Variants in COL3A1 observed in about 807,000 individuals in gnomAD.
The protein encoded by COL3A1 is collagen type III alpha 1 chain.
Under a neutral mutation model 200.9 loss-of-function variants are expected in COL3A1, and 46 were observed. That is an observed-to-expected ratio of 0.23 (90% CI 0.18 to 0.29). COL3A1 has a LOEUF of 0.29. Among genes scored for constraint, COL3A1 ranks in the 10% least tolerant of loss-of-function variants. The pLI is 1.00. For missense variants in COL3A1, 1,367 were observed against 1,917.6 expected, an observed-to-expected ratio of 0.71 and a Z score of 5.36; for synonymous variants, 650 against 628.0, an observed-to-expected ratio of 1.03 and a Z score of -0.52.
chr2:188,991,627 G>C (rs777322402), intron 12 of COL3A1, 42 bp from the exon 13 acceptor site: 1 of 1,612,370 alleles, frequency 6.2e-7, no homozygotes, highest in South Asian at 1.1e-5. Flanking sequence ...TCTTACACAT[G>C]TCAAGATTAG....
At chr2:188,992,974 T>A in intron 15 of COL3A1, 34 bp downstream of exon 15, 1 of 1,597,554 alleles carries the variant, frequency 6.3e-7, no homozygotes, top group Non-Finnish European at 8.6e-7. Context: ...GGTATAAAAA[T>A]ATCTTGGAGG....
In COL3A1 at chr2:188,999,332, G is replaced by T. The variant is rs1337071262; in HGVS notation, c.2070G>T (p.Gly690=). 3 of 1,592,282 alleles carry T rather than the reference G, an allele frequency of 1.9e-6. No individual in the cohort carries two copies. The highest frequency in any genetic ancestry group is 1.3e-5 in the African/African-American group (1 of 74,538). ...PGERGPPGLA[G]APGLRGGAGP... is the part of the protein sequence containing the mutation. ...AACGTGGACCTCCTGGATTGGCAGG[G>T]GCCCCAGGACTTAGAGGTGGAGCTG... Residue 690 remains glycine, a synonymous_variant, in exon 30 of 51, where the codon GGG becomes GGT. Transcript: ENST00000304636.
At chr2:188,987,008 A>G in intron 4 of COL3A1, 51 bp from the exon 5 acceptor site, 1 of 1,517,348 alleles carries the variant, frequency 6.6e-7, no homozygotes, top group East Asian at 2.3e-5. Context: ...TTTTAAAAGA[A>G]TTATGAACTG....
At chr2:188,978,792 A>C (rs1687885643) in intron 1 of COL3A1, among the ~76,000 whole-genome samples, 1 of 151,724 alleles carries the variant, frequency 6.6e-6, no homozygotes, top group Admixed American at 6.6e-5. Flanking sequence ...TATAGTGTAA[A>C]AAAAAACTCT....
intron 41 of COL3A1, chr2:189,005,694 G>A (rs1688569412): frequency 1.9e-6 from 1 of 527,818 alleles, no homozygotes; most frequent in Middle Eastern, 3.8e-4. Flanking sequence ...ACTAAATTAG[G>A]AAAAAAGTTA....
chr2:189,006,570 C>T, intron 43 of COL3A1, 118 bp downstream of exon 43: 1 of 984,474 alleles, frequency 1.0e-6, no homozygotes. Context: ...ATTTGTTTTA[C>T]AGTTTTAATG....
rs376165017 is a variant in COL3A1, at chr2:188,994,498, C to A, written c.1294-43C>A. 7 of 1,605,000 alleles carry A rather than the reference C, an allele frequency of 4.4e-6. No individual in the cohort carries two copies. The highest frequency in any genetic ancestry group is 1.1e-5 in the South Asian group (1 of 90,836). On this transcript the variant is annotated intron_variant, in intron 18 of 50. Transcript: ENST00000304636. This position sits in a 1 kb window ranked among gnomAD's most constrained non-coding sequence, Gnocchi z 4.5. ...GTGTTACTGGTGATGATTTGTTAGT[C>A]GAATCCTCCCTGTGTTTCAACCAAG... is the stretch of plus-strand genomic sequence containing the variant.
intron 10 of COL3A1, among the ~76,000 whole-genome samples, chr2:188,990,639 A>C (rs1487107612): frequency 6.6e-6 from 1 of 152,150 alleles, no homozygotes; most frequent in Non-Finnish European, 1.5e-5. Flanking sequence ...TTTTTTATTG[A>C]CTTAATATGA....
rs763107572 is a variant in COL3A1, at chr2:189,008,111, C to G, written c.3494C>G (p.Pro1165Arg). The G allele has an allele frequency of 6.2e-7, 1 of 1,613,604 alleles. No individual in the cohort carries two copies. The highest frequency in any genetic ancestry group is 1.3e-5 in the African/African-American group (1 of 74,894). The change falls in exon 47 of 51, where the codon CCT (proline) becomes CGT (arginine). Residue 1165 changes from proline (P) to arginine (R), a missense_variant. By Grantham distance (103) the Pro-to-Arg change is moderately radical. Coordinates refer to ENST00000304636, the MANE Select transcript of COL3A1 (RefSeq NM_000090.4). ...GHPGPIGPPGPRGNRGERGSE... is the reference protein window; with the variant it reads ...GHPGPIGPPGRRGNRGERGSE... ...CCAGGTCCCATTGGACCACCAGGGC[C>G]TCGAGGTAACAGAGGTGAAAGAGGA...
chr2:188,997,609 T>C, intron 26 of COL3A1, 91 bp from the exon 27 acceptor site: 1 of 1,362,490 alleles, frequency 7.3e-7, no homozygotes. Flanking sequence ...ATCACTACTT[T>C]TATAATTAAG....
intron 1 of COL3A1, among the ~76,000 whole-genome samples, chr2:188,975,886 C>T (rs1042815880): frequency 6.6e-5 from 10 of 151,854 alleles, no homozygotes; most frequent in Non-Finnish European, 1.5e-4. Context: ...TCACCCCACC[C>T]CTTCCTAGGC....
intron 22 of COL3A1, 68 bp downstream of exon 22, chr2:188,995,858 A>G: frequency 7.6e-7 from 1 of 1,315,432 alleles, no homozygotes; most frequent in Non-Finnish European, 1.1e-6. Flanking sequence ...AAATGAAGAC[A>G]GATCAAAAGC....
At chr2:189,007,840 G>A (rs1688628772) in intron 45 of COL3A1, 45 bp from the exon 46 acceptor site, 1 of 1,605,374 alleles carries the variant, frequency 6.2e-7, no homozygotes, top group Non-Finnish European at 8.5e-7. Context: ...GTTTCCCAGT[G>A]CTTTTTAAGG....
Position 188,993,419 on chromosome 2 carries a change from A to G in COL3A1, c.1109A>G (p.Glu370Gly), listed in dbSNP as rs748323501. 3 of 1,564,082 alleles carry G rather than the reference A, an allele frequency of 1.9e-6. No individual in the cohort carries two copies. Among genetic ancestry groups the G allele is most frequent in the Non-Finnish European group, 2.6e-6 (3 of 1,153,284 alleles). ...AATGGTGCCCCTGGACAAAGAGGAG[A>G]ACCTGGACCTCAGGGACACGCTGGT... ...GSNGAPGQRG[E>G]PGPQGHAGAQ... is the part of the protein sequence containing the mutation. Residue 370 changes from glutamate to glycine, a missense_variant, in exon 16 of 51, where the codon GAA (glutamate) becomes GGA (glycine). Physicochemically the swap from Glu to Gly is moderately conservative, Grantham distance 98. Coordinates refer to ENST00000304636, the MANE Select transcript of COL3A1 (RefSeq NM_000090.4).
chr2:188,993,937 C>A, intron 16 of COL3A1, 101 bp from the exon 17 acceptor site: 5 of 1,092,018 alleles, frequency 4.6e-6, no homozygotes, highest in Non-Finnish European at 1.4e-6. Flanking sequence ...CTCTACAAAG[C>A]ATAACACTCA....
intron 27 of COL3A1, among the ~76,000 whole-genome samples, chr2:188,998,060 T>A (rs978018159): frequency 1.3e-5 from 2 of 152,224 alleles, no homozygotes; most frequent in African/African-American, 4.8e-5. Context: ...GTGTAGCAAT[T>A]GAAAGAACAG....
rs1559052973 is a variant in COL3A1 at position 188,985,680 on chromosome 2, C to T, written c.349C>T (p.Pro117Ser). 6.2e-7 allele frequency: 1 copy of T among 1,609,540 alleles called. No individual in the cohort carries two copies. Among genetic ancestry groups the T allele is most frequent in the Non-Finnish European group, 8.5e-7 (1 of 1,178,036 alleles). The change falls in exon 4 of 51, where the codon CCT becomes TCT. Residue 117 changes from proline (P) to serine (S), a missense_variant. Physicochemically the swap from Pro to Ser is moderately conservative, Grantham distance 74 (BLOSUM62 -1). Around this residue, in one of 5 missense-constraint regions of COL3A1, gnomAD observed 462 missense variants for 681.4 expected, o/e 0.68. Coordinates refer to ENST00000304636, the MANE Select transcript of COL3A1 (RefSeq NM_000090.4). ...PKGDPGPPGI[P>S]GRNGDPGIPG... ...TCTTTTTTAGGGCCCTCCTGGTATT[C>T]CTGGGAGAAATGGTGACCCTGGTAT...
At chr2:189,006,913 C>A in intron 43 of COL3A1, 24 bp from the exon 44 acceptor site, 1 of 1,612,806 alleles carries the variant, frequency 6.2e-7, no homozygotes, top group Non-Finnish European at 8.5e-7. Flanking sequence ...TGTATGTCTT[C>A]TCAATTGAAT....
intron 35 of COL3A1, 29 bp from the exon 36 acceptor site, chr2:189,002,926 T>C (rs1688499152): frequency 6.9e-7 from 1 of 1,448,570 alleles, no homozygotes; most frequent in African/African-American, 1.4e-5. Flanking sequence ...GAGTGTCAGC[T>C]GAGAGATTGC....
Sources: allele counts gnomAD v4.1 joint callset (sites outside exome capture counted in the v4.1 genomes callset), GRCh38; gene constraint gnomAD v4.1.1; regional missense constraint gnomAD v4.1.1; non-coding constraint Gnocchi (gnomAD v3.1); transcripts MANE v1.5; gene names NCBI Gene and HGNC (gene_info 2026-07-23, HGNC 2026-07-21).